The following TMEM132D variants were observed in gnomAD, a reference collection of about 807,000 sequenced individuals.
The protein encoded by TMEM132D is mature OL transmembrane protein.
TMEM132D carries 21 observed loss-of-function variants against 62.3 expected under a neutral mutation model. That is an observed-to-expected ratio of 0.34 (90% CI 0.24 to 0.49). The LOEUF is 0.49. Ranked by LOEUF, TMEM132D falls within the 20% of genes least tolerant of loss-of-function variation. TMEM132D has a pLI of 0.99. For synonymous variants in TMEM132D, 621 were observed against 575.6 expected, an observed-to-expected ratio of 1.08 and a Z score of -1.13; for missense variants, 1,346 against 1,402.8, an observed-to-expected ratio of 0.96 and a Z score of 0.65.
At chr12:129,490,423 C>CT (rs11311745) in intron 3 of TMEM132D, among the ~76,000 whole-genome samples, 2,383 of 58,486 alleles carry the variant, frequency 0.041, 90 homozygotes, top group African/African-American at 0.058. Flanking sequence ...ATTTCCTTTC[C>CT]TTTTTTTTTT....
At chr12:129,850,743 G>C (rs1376375159) in intron 1 of TMEM132D, among the ~76,000 whole-genome samples, 2 of 152,234 alleles carry the variant, frequency 1.3e-5, no homozygotes, top group African/African-American at 4.8e-5. Context: ...CTTCCAGTGA[G>C]AGGACAAGCT....
chr12:129,706,057 C>T (rs1281959075), intron 1 of TMEM132D, among the ~76,000 whole-genome samples: 1 of 151,930 alleles, frequency 6.6e-6, no homozygotes, highest in Non-Finnish European at 1.5e-5. Flanking sequence ...AGGACAGAAA[C>T]AGTTTACTGA....
intron 2 of TMEM132D, among the ~76,000 whole-genome samples, chr12:129,647,243 GTTT>G (rs57450911): frequency 4.3e-5 from 5 of 117,590 alleles, no homozygotes; most frequent in Non-Finnish European, 6.7e-5. Context: ...TTGTTTTTCT[GTTT>G]TTTTTTTTTT....
intron 3 of TMEM132D, among the ~76,000 whole-genome samples, chr12:129,361,857 A>C (rs1280204008): frequency 6.6e-6 from 1 of 152,260 alleles, no homozygotes; most frequent in Admixed American, 6.5e-5. Flanking sequence ...CAAATCAACA[A>C]GGATGATGAC....
At chr12:129,427,227 G>A (rs982259861) in intron 3 of TMEM132D, among the ~76,000 whole-genome samples, 3 of 152,152 alleles carry the variant, frequency 2.0e-5, no homozygotes, top group East Asian at 1.9e-4. Context: ...AATAACATAC[G>A]GGGTGAAGCC....
intron 4 of TMEM132D, among the ~76,000 whole-genome samples, chr12:129,295,427 C>CT (rs556748373): frequency 0.054 from 6,664 of 123,006 alleles, 399 homozygotes; most frequent in East Asian, 0.14. Flanking sequence ...TCATATTAGC[C>CT]TTTTTTTTTT....
At chr12:129,387,526 C>T (rs1325694532) in intron 3 of TMEM132D, among the ~76,000 whole-genome samples, 1 of 152,088 alleles carries the variant, frequency 6.6e-6, no homozygotes, top group South Asian at 2.1e-4. Context: ...AACACTAACA[C>T]CAACACTAAT....
chr12:129,635,258 T>G (rs1879446666), intron 2 of TMEM132D, among the ~76,000 whole-genome samples: 1 of 152,226 alleles, frequency 6.6e-6, no homozygotes, highest in Non-Finnish European at 1.5e-5. Flanking sequence ...ACTCCTCATT[T>G]CCATCCCTCT....
At chr12:129,657,978 AT>A (rs759936121) in intron 2 of TMEM132D, among the ~76,000 whole-genome samples, 16 of 152,234 alleles carry the variant, frequency 1.1e-4, no homozygotes, top group Admixed American at 2.0e-4. Context: ...AATCAGACCA[AT>A]TCTACTAGTG....
At chr12:129,171,554 T>C (rs181583747) in intron 5 of TMEM132D, among the ~76,000 whole-genome samples, 5 of 152,370 alleles carry the variant, frequency 3.3e-5, no homozygotes, top group Admixed American at 3.3e-4. Context: ...CTGGCAGCTA[T>C]AGCTTTACAA....
intron 3 of TMEM132D, among the ~76,000 whole-genome samples, chr12:129,434,064 C>A (rs1468810927): frequency 2.6e-5 from 4 of 152,132 alleles, no homozygotes; most frequent in African/African-American, 9.7e-5. Flanking sequence ...GAACGTCATT[C>A]CTCATATTAT....
intron 5 of TMEM132D, among the ~76,000 whole-genome samples, chr12:129,192,449 A>C (rs1878430652): frequency 6.6e-6 from 1 of 152,200 alleles, no homozygotes; most frequent in African/African-American, 2.4e-5. Context: ...CCTTCCCATG[A>C]GGGGAAAGAT....
chr12:129,597,804 C>T (rs573484753), intron 2 of TMEM132D, among the ~76,000 whole-genome samples: 21 of 152,158 alleles, frequency 1.4e-4, no homozygotes, highest in South Asian at 8.3e-4. Context: ...TTTTCCCATC[C>T]GCCTTGGACT....
intron 4 of TMEM132D, among the ~76,000 whole-genome samples, chr12:129,331,010 G>A (rs1024419760): frequency 3.9e-5 from 6 of 152,166 alleles, no homozygotes; most frequent in East Asian, 1.9e-4. Context: ...CGACTTGCCC[G>A]CTGCCCTCAT....
In TMEM132D at chr12:129,314,206, A is replaced by C. The variant is rs577809921; in HGVS notation, c.1299+23428T>G. 1.8e-4 allele frequency among the ~76,000 whole-genome samples: 27 copies of C among 152,298 alleles called. No homozygotes were observed. In the South Asian group the frequency reaches 5.0e-3, roughly 28 times the overall value. On this transcript the variant is annotated intron_variant, in intron 4 of 8. Transcript: ENST00000422113. ...ATATTTGCCTAAGGCAATGTCTAGA[A>C]GGGTTTTTCCAATGTTATCTTCTAG...
intron 2 of TMEM132D, among the ~76,000 whole-genome samples, chr12:129,546,457 C>G (rs1278531137): frequency 1.3e-5 from 2 of 152,090 alleles, no homozygotes; most frequent in African/African-American, 2.4e-5. Context: ...TAAGCTACAC[C>G]TGCATTCTCC....
At chr12:129,169,030 C>T (rs1382718536) in intron 5 of TMEM132D, among the ~76,000 whole-genome samples, 1 of 152,212 alleles carries the variant, frequency 6.6e-6, no homozygotes. Context: ...TATACCTTTG[C>T]TGAAATCAGG....
At chr12:129,829,952 CT>C (rs1482358252) in intron 1 of TMEM132D, among the ~76,000 whole-genome samples, 6 of 152,112 alleles carry the variant, frequency 3.9e-5, no homozygotes, top group Admixed American at 1.3e-4. Context: ...TGTTTGTCTC[CT>C]TTCAGGTTAT....
intron 1 of TMEM132D, among the ~76,000 whole-genome samples, chr12:129,894,693 G>A (rs1593201956): frequency 6.6e-6 from 1 of 151,886 alleles, no homozygotes; most frequent in East Asian, 1.9e-4. Context: ...AAGACACATT[G>A]ACAAGACACC....
Sources: allele counts gnomAD v4.1 joint callset (sites outside exome capture counted in the v4.1 genomes callset), GRCh38; gene constraint gnomAD v4.1.1; transcripts MANE v1.5; gene names NCBI Gene and HGNC (gene_info 2026-07-23, HGNC 2026-07-21).